MPP4: variants seen among roughly 807,000 people sequenced by gnomAD.
MPP4 encodes MAGUK p55 scaffold protein 4, also known as MAGUK p55 subfamily member 4.
In MPP4, 91 loss-of-function variants were observed where a neutral mutation model predicts 98.3. The ratio of observed to expected loss-of-function variants is 0.93; its 90% CI spans 0.78 to 1.10. MPP4 has a LOEUF of 1.10. Ranked by LOEUF, MPP4 falls within the 50% of genes least tolerant of loss-of-function variation. The pLI is 0.00. For synonymous variants in MPP4, 261 were observed against 271.8 expected, an observed-to-expected ratio of 0.96 and a Z score of 0.39; for missense variants, 744 against 792.9, an observed-to-expected ratio of 0.94 and a Z score of 0.74.
Position 201,684,397 on chromosome 2 carries a change from G to A in MPP4, c.574+667C>T, listed in dbSNP as rs74762047. On this transcript the variant is annotated intron_variant, in intron 7 of 21. Transcript: ENST00000409474. ...TATAGAGCTAAGCAGCTTGAATCCT[G>A]ACTCAAACGGTGTAACTCTGAGCAA... 3.4e-3 allele frequency among the ~76,000 whole-genome samples: 510 copies of A among 152,236 alleles called. 2 individuals are homozygous for A. Among genetic ancestry groups the A allele is most frequent in the Middle Eastern group, 0.014 (4 of 294 alleles).
At chr2:201,677,889 C>T (rs893889349) in intron 10 of MPP4, among the ~76,000 whole-genome samples, 4 of 152,142 alleles carry the variant, frequency 2.6e-5, no homozygotes, top group Non-Finnish European at 5.9e-5. Context: ...GCCACATCAG[C>T]CCGCGCTCGG....
intron 1 of MPP4, chr2:201,698,133 A>G (rs532444015): frequency 4.4e-6 from 4 of 907,508 alleles, no homozygotes; most frequent in Non-Finnish European, 5.0e-6. Context: ...AATTTGTCCT[A>G]AATCTTGTTT....
intron 18 of MPP4, among the ~76,000 whole-genome samples, chr2:201,654,401 A>G (rs1687799559): frequency 6.6e-6 from 1 of 152,222 alleles, no homozygotes; most frequent in Non-Finnish European, 1.5e-5. Context: ...ATTATTGCTA[A>G]CTATTAGTTT....
chr2:201,680,823 G>A lies in MPP4; in HGVS notation c.929+15C>T, dbSNP rs1688643698. 2 of 1,600,742 alleles carry A rather than the reference G, an allele frequency of 1.2e-6. No individual in the cohort carries two copies. ...ATGGTTCAGCCCTGAGTCCAGGAGT[G>A]GTGACGTTCCTTACCTCTTCAGAAG... is the stretch of plus-strand genomic sequence containing the variant. On this transcript the variant is annotated intron_variant, in intron 10 of 21. Transcript: ENST00000409474.
intron 11 of MPP4, among the ~76,000 whole-genome samples, chr2:201,671,669 G>GTA (rs1258852201): frequency 6.6e-6 from 1 of 152,082 alleles, no homozygotes; most frequent in Non-Finnish European, 1.5e-5. Context: ...ATTGCAAAGT[G>GTA]GTAAAGGGAT....
At chr2:201,694,095 C>T in intron 1 of MPP4, 41 bp from the exon 2 acceptor site, 2 of 1,560,974 alleles carry the variant, frequency 1.3e-6, no homozygotes, top group Non-Finnish European at 1.7e-6. Context: ...GCAAGCCAGG[C>T]CCTGTGCTAC....
At chr2:201,683,192 C>T (rs548616167) in intron 7 of MPP4, among the ~76,000 whole-genome samples, 75 of 152,182 alleles carry the variant, frequency 4.9e-4, no homozygotes, top group African/African-American at 1.7e-3. Flanking sequence ...GGAACCAGAA[C>T]GCTGGTAAGA....
At chr2:201,653,126 T>C (rs1011799341) in intron 18 of MPP4, among the ~76,000 whole-genome samples, 1 of 152,180 alleles carries the variant, frequency 6.6e-6, no homozygotes, top group Non-Finnish European at 1.5e-5. Flanking sequence ...GGGCTGACTG[T>C]CTTATACATT....
At chr2:201,667,796 C>T (rs112034805) in intron 12 of MPP4, among the ~76,000 whole-genome samples, 11 of 152,106 alleles carry the variant, frequency 7.2e-5, no homozygotes, top group Admixed American at 2.0e-4. Context: ...AAGGTGTTAT[C>T]GCCACCCCTT....
chr2:201,655,948 T>G (rs528604429), intron 17 of MPP4, among the ~76,000 whole-genome samples: 2 of 152,320 alleles, frequency 1.3e-5, no homozygotes, highest in Non-Finnish European at 2.9e-5. Flanking sequence ...CATAATGACA[T>G]CGTAATACTG....
At chr2:201,656,861 T>C (rs1687861116) in intron 16 of MPP4, among the ~76,000 whole-genome samples, 1 of 152,156 alleles carries the variant, frequency 6.6e-6, no homozygotes, top group Non-Finnish European at 1.5e-5. Context: ...GAACAGCAAG[T>C]GCAGTGGTGC....
chr2:201,675,242 G>T lies in MPP4; in HGVS notation c.959C>A (p.Pro320Gln). The T allele has an allele frequency of 6.2e-7, 1 of 1,609,518 alleles. No homozygotes were observed. The highest frequency in any genetic ancestry group is 8.5e-7 in the Non-Finnish European group (1 of 1,178,166). The change falls in exon 11 of 22, where the codon CCG (proline) becomes CAG (glutamine). Residue 320 changes from proline to glutamine, a missense_variant. Transcript: ENST00000409474. ...CTTGAGGCAGGTGTGAGGCTGGTAC[G>T]GCTGAGACCACCAGAATTCCCGTTG... ...RKQREFWWSQ[P>Q]YQPHTCLKST...
In MPP4 at chr2:201,645,127, TCAAATACTGTTGTTTTAGATTG is replaced by T. The variant is rs1217325665; in HGVS notation, c.*61_*82del. 10 of 1,235,656 alleles carry T rather than the reference TCAAATACTGTTGTTTTAGATTG, an allele frequency of 8.1e-6. No homozygotes were observed. Among genetic ancestry groups the T allele is most frequent in the African/African-American group, 1.5e-5 (1 of 65,860 alleles). 76.5% of individuals were successfully genotyped at this position (1,235,656 alleles called of 1,614,324 possible). On this transcript the variant is annotated 3_prime_UTR_variant, in exon 22 of 22. Transcript: ENST00000409474. ...TTAAAGTTGTACACATTAAAATGGG[TCAAATACTGTTGTTTTAGATTG>T]CAACTATGGATCGCTGTATCAAGGG...
intron 12 of MPP4, among the ~76,000 whole-genome samples, chr2:201,669,099 TG>T (rs1688264518): frequency 1.4e-5 from 1 of 70,226 alleles, no homozygotes; most frequent in Non-Finnish European, 3.6e-5. Flanking sequence ...TGTGTGTGTG[TG>T]TGTGTGTGTG....
intron 1 of MPP4, chr2:201,698,125 T>A: frequency 2.1e-6 from 2 of 967,796 alleles, no homozygotes; most frequent in Non-Finnish European, 2.4e-6. Flanking sequence ...GCCTAAGGAA[T>A]TTGTCCTAAA....
At chr2:201,654,487 G>A (rs1687802946) in intron 18 of MPP4, among the ~76,000 whole-genome samples, 1 of 152,156 alleles carries the variant, frequency 6.6e-6, no homozygotes, top group African/African-American at 2.4e-5. Flanking sequence ...GGGGGAGTGG[G>A]GAGGGATAGC....
chr2:201,661,501 T>C (rs1288369950), intron 14 of MPP4: 1 of 456,544 alleles, frequency 2.2e-6, no homozygotes. Flanking sequence ...TTGAGAGTTC[T>C]CACTTTTCCA....
intron 11 of MPP4, among the ~76,000 whole-genome samples, chr2:201,672,875 G>A (rs1574620164): frequency 6.6e-6 from 1 of 152,098 alleles, no homozygotes; most frequent in South Asian, 2.1e-4. Context: ...TATGAGGCCA[G>A]CATCATCCTG....
chr2:201,650,006 A>G (rs1053647073), intron 19 of MPP4, 66 bp downstream of exon 19: 19 of 1,428,768 alleles, frequency 1.3e-5, no homozygotes, highest in Non-Finnish European at 5.7e-6. Flanking sequence ...ATACATAAAA[A>G]TAGGGAATCT....
Sources: gnomAD v4.1 joint callset for allele counts (sites outside exome capture counted in the v4.1 genomes callset) on GRCh38, gnomAD v4.1.1 for gene constraint, MANE v1.5 for transcripts, NCBI Gene and HGNC (gene_info 2026-07-23, HGNC 2026-07-21) for gene names.